Variants in SYNPR observed in about 807,000 individuals in gnomAD.
The protein encoded by SYNPR is synaptoporin.
SYNPR carries 23 observed loss-of-function variants against 32.9 expected under a neutral mutation model. The observed-to-expected ratio is 0.70, with a 90% CI of 0.50 to 0.99. The LOEUF is 0.99. Ranked by LOEUF, SYNPR falls within the 50% of genes least tolerant of loss-of-function variation. The probability of loss-of-function intolerance (pLI) is 0.00; values close to 1 mark genes in which losing one functional copy is unlikely to be tolerated. For synonymous variants in SYNPR, 146 were observed against 135.9 expected, an observed-to-expected ratio of 1.07 and a Z score of -0.52; for missense variants, 318 against 349.3, an observed-to-expected ratio of 0.91 and a Z score of 0.71.
At chr3:63,476,989 T>A (rs1700940767) in intron 2 of SYNPR, among the ~76,000 whole-genome samples, 1 of 152,134 alleles carries the variant, frequency 6.6e-6, no homozygotes, top group Non-Finnish European at 1.5e-5. Context: ...TTAGTCTTGA[T>A]TTGGTAGATG....
At position 63,443,327 on chromosome 3, in the gene SYNPR, T is replaced by C; in HGVS notation, c.85-37505T>C. ...CATTGATTTTCTTCTTCTCCTCCTT[T>C]GCTTCATAAAAAGAGGGACAAGTGG... On this transcript the variant is annotated intron_variant, in intron 2 of 5. Coordinates refer to ENST00000478300, the MANE Select transcript of SYNPR (RefSeq NM_001130003.2). 4 of 1,516,122 alleles carry C rather than the reference T, an allele frequency of 2.6e-6. 1 individual carries two copies. Among genetic ancestry groups the C allele is most frequent in the Non-Finnish European group, 3.5e-6 (4 of 1,129,674 alleles). The allele number at this position is 1,516,122 out of a possible 1,614,324, so 93.9% of individuals were successfully genotyped here.
chr3:63,300,154 T>A (rs1037767631), intron 2 of SYNPR, among the ~76,000 whole-genome samples: 2 of 152,058 alleles, frequency 1.3e-5, no homozygotes, highest in Non-Finnish European at 2.9e-5. Context: ...CACGGAGAAG[T>A]TGGCGAGGGT....
chr3:63,278,262 TC>T (rs1357458772), upstream of SYNPR: 7 of 449,032 alleles, frequency 1.6e-5, no homozygotes, highest in Admixed American at 8.0e-5. Context: ...TCCATGGGTT[TC>T]CCCCTCCCCT....
intron 4 of SYNPR, among the ~76,000 whole-genome samples, chr3:63,592,944 T>C (rs923716114): frequency 6.6e-6 from 1 of 152,076 alleles, no homozygotes. Flanking sequence ...CTTTTTACAG[T>C]TGGAAACTGA....
At chr3:63,354,361 C>T (rs1338415075) in intron 2 of SYNPR, among the ~76,000 whole-genome samples, 1 of 152,198 alleles carries the variant, frequency 6.6e-6, no homozygotes. Flanking sequence ...CAACTGCTGG[C>T]TAATTTCCAA....
At chr3:63,207,818 C>T in the SYNPR span, among the ~76,000 whole-genome samples, 1 of 152,032 alleles carries the variant, frequency 6.6e-6, no homozygotes, top group Non-Finnish European at 1.5e-5. Flanking sequence ...ATGTAAATCT[C>T]AGAATCAAGC....
intron 2 of SYNPR, among the ~76,000 whole-genome samples, chr3:63,383,107 T>C (rs2087993717): frequency 6.6e-6 from 1 of 152,246 alleles, no homozygotes. Flanking sequence ...GTTTAAGGTT[T>C]ACATGACTTA....
At chr3:63,368,220 T>C (rs1050180177) in intron 2 of SYNPR, among the ~76,000 whole-genome samples, 6 of 152,234 alleles carry the variant, frequency 3.9e-5, no homozygotes, top group African/African-American at 9.6e-5. Flanking sequence ...CATTCACAGA[T>C]ATCTGCCTTG....
chr3:63,470,738 T>G (rs555235365), intron 2 of SYNPR, among the ~76,000 whole-genome samples: 97 of 152,238 alleles, frequency 6.4e-4, no homozygotes, highest in African/African-American at 2.2e-3. Context: ...TCAGGAAAGC[T>G]GAAGATTCAC....
intron 2 of SYNPR, among the ~76,000 whole-genome samples, chr3:63,454,503 G>A (rs1338388454): frequency 1.3e-5 from 2 of 152,104 alleles, no homozygotes; most frequent in African/African-American, 4.8e-5. Context: ...ACTAACAATA[G>A]CCCCATGAAA....
intron 2 of SYNPR, among the ~76,000 whole-genome samples, chr3:63,393,034 C>T (rs7641300): frequency 0.23 from 34,933 of 152,042 alleles, 5,165 homozygotes; most frequent in East Asian, 0.54. Context: ...GTCTCAAACA[C>T]ACATGATAGC....
intron 2 of SYNPR, among the ~76,000 whole-genome samples, chr3:63,421,637 CAA>C (rs1699799975): frequency 2.0e-5 from 3 of 152,176 alleles, no homozygotes; most frequent in African/African-American, 4.8e-5. Flanking sequence ...AGACTTAAAA[CAA>C]CGCACATTTA....
upstream of SYNPR, among the ~76,000 whole-genome samples, chr3:63,227,169 C>T (rs1194633352): frequency 1.3e-5 from 2 of 152,202 alleles, no homozygotes; most frequent in Non-Finnish European, 2.9e-5. Flanking sequence ...GGGGCTAGGG[C>T]CGGGCACATA....
chr3:63,227,409 A>G (rs554100020), upstream of SYNPR, among the ~76,000 whole-genome samples: 14 of 152,338 alleles, frequency 9.2e-5, no homozygotes, highest in Admixed American at 9.2e-4. Context: ...TAAGGGGAAA[A>G]TGTAGGAGAT....
chr3:63,319,110 C>T (rs2106965200), intron 2 of SYNPR, among the ~76,000 whole-genome samples: 1 of 152,106 alleles, frequency 6.6e-6, no homozygotes, highest in Non-Finnish European at 1.5e-5. Context: ...TGATGTGAAC[C>T]ATCTGTGGGT....
chr3:63,428,468 G>T (rs532988175), intron 2 of SYNPR, among the ~76,000 whole-genome samples: 20 of 152,340 alleles, frequency 1.3e-4, no homozygotes, highest in Non-Finnish European at 2.5e-4. Flanking sequence ...ATATGAATAT[G>T]ACTAGGTCAA....
At chr3:63,203,849 A>C in the SYNPR span, among the ~76,000 whole-genome samples, 1 of 152,178 alleles carries the variant, frequency 6.6e-6, no homozygotes, top group East Asian at 1.9e-4. Context: ...AATACAAAAA[A>C]TTAGCTGGAA....
At chr3:63,306,003 C>G (rs2086907048) in intron 2 of SYNPR, among the ~76,000 whole-genome samples, 1 of 152,020 alleles carries the variant, frequency 6.6e-6, no homozygotes, top group South Asian at 2.1e-4. Flanking sequence ...CGACCAGTGT[C>G]TAACCCATCC....
At chr3:63,442,176 T>C (rs980383946) in intron 2 of SYNPR, among the ~76,000 whole-genome samples, 1 of 149,466 alleles carries the variant, frequency 6.7e-6, no homozygotes, top group Non-Finnish European at 1.5e-5. Context: ...TGTGTGTGTG[T>C]GTGTGTGTGT....
Sources: allele counts gnomAD v4.1 joint callset (sites outside exome capture counted in the v4.1 genomes callset), GRCh38; gene constraint gnomAD v4.1.1; transcripts MANE v1.5; gene names NCBI Gene and HGNC (gene_info 2026-07-23, HGNC 2026-07-21).